Variants in TXNDC9 observed in about 807,000 individuals in gnomAD.
The protein encoded by TXNDC9 is thioredoxin domain-containing protein 9.
In TXNDC9, 7 loss-of-function variants were observed where a neutral mutation model predicts 23.0. That is an observed-to-expected ratio of 0.30 (90% confidence interval 0.17 to 0.57). The LOEUF (loss-of-function observed/expected upper bound fraction) is 0.57. TXNDC9 is among the 20% of genes least tolerant of loss of function. The pLI is 0.90. For synonymous variants in TXNDC9, 72 were observed against 90.6 expected, an observed-to-expected ratio of 0.79 and a Z score of 1.17; for missense variants, 198 against 252.6, an observed-to-expected ratio of 0.78 and a Z score of 1.47.
chr2:99,330,832 A>C (rs2094223680), intron 2 of TXNDC9, among the ~76,000 whole-genome samples: 2 of 152,256 alleles, frequency 1.3e-5, no homozygotes, highest in Admixed American at 1.3e-4. Context: ...TTATAAAAAG[A>C]ATATCTATAC....
the TXNDC9 span, chr2:99,306,624 T>C: frequency 6.5e-6 from 2 of 305,964 alleles, no homozygotes; most frequent in Non-Finnish European, 1.4e-5. Flanking sequence ...AAAGTACTTA[T>C]TGATGTAGAC....
intron 2 of TXNDC9, among the ~76,000 whole-genome samples, chr2:99,330,652 A>G (rs948293783): frequency 3.3e-5 from 5 of 152,154 alleles, no homozygotes; most frequent in Non-Finnish European, 7.4e-5. Context: ...TCCCTACCTA[A>G]GTGTGCCAGC....
intron 4 of TXNDC9, among the ~76,000 whole-genome samples, chr2:99,320,967 C>T (rs903365283): frequency 6.6e-6 from 1 of 152,106 alleles, no homozygotes; most frequent in Non-Finnish European, 1.5e-5. Context: ...GTCTCAAACT[C>T]CTGGCCTCAA....
At chr2:99,334,481 A>G (rs977322805) in intron 1 of TXNDC9, among the ~76,000 whole-genome samples, 2 of 152,254 alleles carry the variant, frequency 1.3e-5, no homozygotes, top group Admixed American at 1.3e-4. Context: ...ACAGCCTGCT[A>G]CACACCTAGG....
At chr2:99,313,649 C>T in the TXNDC9 span, among the ~76,000 whole-genome samples, 1 of 152,168 alleles carries the variant, frequency 6.6e-6, no homozygotes, top group East Asian at 1.9e-4. Context: ...AAAAAATCTT[C>T]TCTCAGCAGA....
chr2:99,307,600 G>A, the TXNDC9 span: 195 of 112,924 alleles, frequency 1.7e-3, 4 homozygotes, highest in African/African-American at 6.6e-3. Flanking sequence ...GGACTCAGGC[G>A]AAACTTAAGG....
intron 2 of TXNDC9, among the ~76,000 whole-genome samples, chr2:99,332,479 A>C (rs2094228394): frequency 6.6e-6 from 1 of 152,198 alleles, no homozygotes; most frequent in Non-Finnish European, 1.5e-5. Flanking sequence ...TACAGAATTT[A>C]ATCCACTGGT....
chr2:99,316,003 T>C (rs1012692827), downstream of TXNDC9, among the ~76,000 whole-genome samples: 5 of 152,198 alleles, frequency 3.3e-5, no homozygotes, highest in African/African-American at 1.2e-4. Context: ...GTGGAGGTTT[T>C]TGTTTTTTTG....
At chr2:99,313,644 ATCT>A in the TXNDC9 span, among the ~76,000 whole-genome samples, 1 of 152,160 alleles carries the variant, frequency 6.6e-6, no homozygotes, top group African/African-American at 2.4e-5. Flanking sequence ...CTTAAAAAAA[ATCT>A]TCTCTCAGCA....
At chr2:99,324,452 G>A (rs1394849957) in intron 3 of TXNDC9, among the ~76,000 whole-genome samples, 1 of 152,150 alleles carries the variant, frequency 6.6e-6, no homozygotes, top group African/African-American at 2.4e-5. Flanking sequence ...AATGGTAAGA[G>A]AGAACAAATT....
intron 3 of TXNDC9, among the ~76,000 whole-genome samples, chr2:99,325,718 A>G (rs1419144955): frequency 1.3e-5 from 2 of 152,184 alleles, no homozygotes; most frequent in African/African-American, 2.4e-5. Context: ...AGACATAAAA[A>G]AAACAAGTGA....
At chr2:99,327,930 G>A (rs1385585652) in intron 2 of TXNDC9, among the ~76,000 whole-genome samples, 1 of 151,472 alleles carries the variant, frequency 6.6e-6, no homozygotes, top group Non-Finnish European at 1.5e-5. Flanking sequence ...GACTACAGGC[G>A]GGCACCAGTA....
chr2:99,330,111 G>A (rs544346017), intron 2 of TXNDC9, among the ~76,000 whole-genome samples: 3 of 151,664 alleles, frequency 2.0e-5, no homozygotes, highest in East Asian at 1.9e-4. Context: ...CCAACATGGC[G>A]AAACCCCACC....
At chr2:99,307,868 C>T in the TXNDC9 span, among the ~76,000 whole-genome samples, 8 of 151,010 alleles carry the variant, frequency 5.3e-5, no homozygotes, top group South Asian at 2.1e-4. Context: ...TTTTGCCAGA[C>T]GGTAAATCCC....
At chr2:99,315,589 C>A (rs991727131), downstream of TXNDC9, among the ~76,000 whole-genome samples, 1 of 152,072 alleles carries the variant, frequency 6.6e-6, no homozygotes, top group Non-Finnish European at 1.5e-5. Context: ...TTTGTGTAAC[C>A]CAAAGTCGTG....
At chr2:99,323,034 T>C (rs1332463981) in intron 3 of TXNDC9, among the ~76,000 whole-genome samples, 1 of 152,160 alleles carries the variant, frequency 6.6e-6, no homozygotes, top group Non-Finnish European at 1.5e-5. Flanking sequence ...GTGCTAGGAT[T>C]ACAAGCGTGA....
chr2:99,317,649 T>A (rs1270096159), downstream of TXNDC9, among the ~76,000 whole-genome samples: 1 of 152,298 alleles, frequency 6.6e-6, no homozygotes, highest in Admixed American at 6.5e-5. Flanking sequence ...CATTTTTTTT[T>A]TCATTTTTTA....
the TXNDC9 span, among the ~76,000 whole-genome samples, chr2:99,313,609 T>C: frequency 0.011 from 1,651 of 152,202 alleles, 27 homozygotes; most frequent in African/African-American, 0.036. Context: ...GCACTCCAGC[T>C]TGGGCAACAG....
chr2:99,308,435 T>C, the TXNDC9 span, among the ~76,000 whole-genome samples: 1 of 152,356 alleles, frequency 6.6e-6, no homozygotes, highest in African/African-American at 2.4e-5. Flanking sequence ...GTTGTATTTT[T>C]CTCAAGAAAA....
Sources: gnomAD v4.1 joint callset for allele counts (sites outside exome capture counted in the v4.1 genomes callset) on GRCh38, gnomAD v4.1.1 for gene constraint, MANE v1.5 for transcripts, NCBI Gene and HGNC (gene_info 2026-07-23, HGNC 2026-07-21) for gene names.